Variants in CTNNA2 observed in about 807,000 individuals in gnomAD.
CTNNA2 encodes catenin alpha-2.
CTNNA2 carries 42 observed loss-of-function variants against 101.0 expected under a neutral mutation model. The ratio of observed to expected loss-of-function variants is 0.42; its 90% CI spans 0.32 to 0.54. CTNNA2 has a LOEUF of 0.54. Among genes scored for constraint, CTNNA2 ranks in the 20% least tolerant of loss-of-function variants. The pLI, the probability that CTNNA2 is intolerant of heterozygous loss-of-function variation, is 0.14. For synonymous variants in CTNNA2, 450 were observed against 456.4 expected, an observed-to-expected ratio of 0.99 and a Z score of 0.18; for missense variants, 871 against 1,223.1, an observed-to-expected ratio of 0.71 and a Z score of 4.29.
intron 4 of CTNNA2, among the ~76,000 whole-genome samples, chr2:79,426,558 T>C (rs1006391953): frequency 3.9e-5 from 6 of 152,238 alleles, no homozygotes; most frequent in African/African-American, 1.4e-4. Flanking sequence ...CACAGATGAC[T>C]AGGAACAAGC....
At chr2:79,668,210 G>A (rs1033219267) in intron 2 of CTNNA2, among the ~76,000 whole-genome samples, 5 of 127,364 alleles carry the variant, frequency 3.9e-5, no homozygotes, top group African/African-American at 8.7e-5. Flanking sequence ...ACTGCAGTCC[G>A]CAGTCCGACC....
chr2:79,248,898 A>T (rs1209398798), intron 2 of CTNNA2, among the ~76,000 whole-genome samples: 1 of 152,140 alleles, frequency 6.6e-6, no homozygotes, highest in Non-Finnish European at 1.5e-5. Flanking sequence ...TCTTTCAGTT[A>T]TTTCAGCACC....
At chr2:80,574,750 C>A (rs1019660068) in intron 13 of CTNNA2, among the ~76,000 whole-genome samples, 2 of 152,122 alleles carry the variant, frequency 1.3e-5, no homozygotes, top group Non-Finnish European at 2.9e-5. Context: ...TAATTACATT[C>A]TCTTTGTATA....
At chr2:79,915,017 A>C (rs765891052) in intron 7 of CTNNA2, among the ~76,000 whole-genome samples, 1 of 151,992 alleles carries the variant, frequency 6.6e-6, no homozygotes, top group Non-Finnish European at 1.5e-5. Context: ...GGATCTAAAA[A>C]GGTTATTTCC....
At chr2:80,522,999 A>G (rs1689702527) in intron 9 of CTNNA2, among the ~76,000 whole-genome samples, 1 of 152,086 alleles carries the variant, frequency 6.6e-6, no homozygotes, top group East Asian at 1.9e-4. Flanking sequence ...GCTCAATTGG[A>G]GCTATCAACC....
chr2:79,558,135 T>A (rs1475446013), intron 1 of CTNNA2, among the ~76,000 whole-genome samples: 1 of 151,950 alleles, frequency 6.6e-6, no homozygotes, highest in Non-Finnish European at 1.5e-5. Context: ...GATAACATTC[T>A]TAGTATGTTC....
chr2:80,078,091 C>T (rs975991650), intron 7 of CTNNA2, among the ~76,000 whole-genome samples: 7 of 152,128 alleles, frequency 4.6e-5, no homozygotes, highest in Admixed American at 6.5e-5. Flanking sequence ...GTTTATTTGA[C>T]GCATTTAGTT....
At chr2:79,347,330 C>G (rs1677284417) in intron 3 of CTNNA2, among the ~76,000 whole-genome samples, 1 of 152,112 alleles carries the variant, frequency 6.6e-6, no homozygotes, top group Non-Finnish European at 1.5e-5. Context: ...CCTGCTTTGA[C>G]ATCTACAAGG....
intron 7 of CTNNA2, among the ~76,000 whole-genome samples, chr2:79,973,398 G>C (rs972858916): frequency 3.3e-5 from 5 of 152,128 alleles, no homozygotes; most frequent in African/African-American, 1.2e-4. Flanking sequence ...TATCTGTTGG[G>C]TACTTGCAAG....
intron 18 of CTNNA2, among the ~76,000 whole-genome samples, chr2:80,633,154 A>G (rs749111411): frequency 3.3e-5 from 5 of 152,192 alleles, no homozygotes; most frequent in Non-Finnish European, 7.3e-5. Flanking sequence ...TATAAATTAT[A>G]TTATCAGCCT....
chr2:79,702,969 T>C (rs1368074094), intron 2 of CTNNA2, among the ~76,000 whole-genome samples: 1 of 152,128 alleles, frequency 6.6e-6, no homozygotes, highest in Non-Finnish European at 1.5e-5. Context: ...CCAGTGGGTA[T>C]TACTGGTCAA....
At chr2:79,546,420 A>G (rs551236697) in intron 1 of CTNNA2, among the ~76,000 whole-genome samples, 2 of 152,296 alleles carry the variant, frequency 1.3e-5, no homozygotes, top group Admixed American at 1.3e-4. Flanking sequence ...TAGAGAAACC[A>G]TCTTTTTAAA....
intron 3 of CTNNA2, among the ~76,000 whole-genome samples, chr2:79,807,629 C>T (rs1291865166): frequency 6.6e-6 from 1 of 152,032 alleles, no homozygotes; most frequent in Admixed American, 6.6e-5. Context: ...ATTAAAGTTT[C>T]TTTTCAAAAA....
intron 9 of CTNNA2, among the ~76,000 whole-genome samples, chr2:80,495,317 T>C (rs904049595): frequency 2.0e-5 from 3 of 152,208 alleles, no homozygotes; most frequent in African/African-American, 7.2e-5. Context: ...GCCTTGAGAA[T>C]CTACCTGCCC....
chr2:79,736,086 A>C (rs1670855972), intron 2 of CTNNA2, among the ~76,000 whole-genome samples: 1 of 152,124 alleles, frequency 6.6e-6, no homozygotes, highest in African/African-American at 2.4e-5. Flanking sequence ...GTTTCTGTGA[A>C]AGTTTTATCT....
chr2:79,785,353 G>A (rs1674756661), intron 3 of CTNNA2, among the ~76,000 whole-genome samples: 2 of 152,140 alleles, frequency 1.3e-5, no homozygotes, highest in Non-Finnish European at 2.9e-5. Context: ...GTTCATTGAT[G>A]CCAACCATCT....
At chr2:79,496,974 T>C (rs1671262865) in intron 4 of CTNNA2, among the ~76,000 whole-genome samples, 1 of 152,216 alleles carries the variant, frequency 6.6e-6, no homozygotes, top group East Asian at 1.9e-4. Flanking sequence ...ACTGATGGCT[T>C]TGGGACCTAA....
intron 2 of CTNNA2, among the ~76,000 whole-genome samples, chr2:79,727,267 A>G (rs1032761524): frequency 1.3e-5 from 2 of 152,206 alleles, no homozygotes; most frequent in Admixed American, 6.5e-5. Context: ...TTAAAAACAC[A>G]TGAAAACCAA....
intron 2 of CTNNA2, among the ~76,000 whole-genome samples, chr2:79,299,814 T>G (rs2104389337): frequency 6.6e-6 from 1 of 152,344 alleles, no homozygotes; most frequent in Non-Finnish European, 1.5e-5. Context: ...TTGAATAAAG[T>G]CACACTGGGA....
Sources: allele counts gnomAD v4.1 joint callset (sites outside exome capture counted in the v4.1 genomes callset), GRCh38; gene constraint gnomAD v4.1.1; transcripts MANE v1.5; gene names NCBI Gene and HGNC (gene_info 2026-07-23, HGNC 2026-07-21).